Variants in PARD3B observed in about 807,000 individuals in gnomAD.
PARD3B encodes the protein par-3 family cell polarity regulator beta, also known as partitioning defective 3 homolog B.
In PARD3B, 103 loss-of-function variants were observed where a neutral mutation model predicts 130.2. That is an observed-to-expected ratio of 0.79 (90% CI 0.67 to 0.93). PARD3B has a LOEUF of 0.93. Among genes scored for constraint, PARD3B ranks in the 40% least tolerant of loss-of-function variants. The pLI, the probability that PARD3B is intolerant of heterozygous loss-of-function variation, is 0.00. For missense variants in PARD3B, 1,609 were observed against 1,499.2 expected, an observed-to-expected ratio of 1.07 and a Z score of -1.21; for synonymous variants, 583 against 553.2, an observed-to-expected ratio of 1.05 and a Z score of -0.76.
chr2:205,527,355 C>T (rs541825643), intron 21 of PARD3B, among the ~76,000 whole-genome samples: 1 of 152,102 alleles, frequency 6.6e-6, no homozygotes, highest in South Asian at 2.1e-4. Flanking sequence ...TTTTTTACTG[C>T]AGTAAGGATT....
rs151006353 is a variant in PARD3B, at chr2:204,764,567, G to C, written c.222+78285G>C. On this transcript the variant is annotated intron_variant, in intron 2 of 22. Transcript: ENST00000406610. The stretch of plus-strand genomic sequence containing the variant: ...CTCAGAATGATTTCTTCACAGTTTT[G>C]ATAGAAGTTTTACTAAGATTGAAAG... Among the ~76,000 whole-genome samples, 517 of 152,148 alleles carry C rather than the reference G, an allele frequency of 3.4e-3. 2 individuals are homozygous for C. Among genetic ancestry groups the C allele is most frequent in the Non-Finnish European group, 4.9e-3 (332 of 67,998 alleles).
At chr2:205,346,978 G>C (rs562304449) in intron 18 of PARD3B, among the ~76,000 whole-genome samples, 2 of 149,838 alleles carry the variant, frequency 1.3e-5, no homozygotes, top group East Asian at 1.9e-4. Context: ...AACACAGTGA[G>C]TACATTTCCA....
intron 10 of PARD3B, among the ~76,000 whole-genome samples, chr2:205,141,293 AT>A (rs1220569859): frequency 2.0e-5 from 3 of 152,240 alleles, no homozygotes; most frequent in Non-Finnish European, 4.4e-5. Flanking sequence ...AAATAAAAAA[AT>A]AAAAGCACCA....
At chr2:204,766,353 G>A (rs1023186054) in intron 2 of PARD3B, among the ~76,000 whole-genome samples, 21 of 152,060 alleles carry the variant, frequency 1.4e-4, no homozygotes, top group African/African-American at 4.8e-4. Context: ...ACTACCCATT[G>A]TAGAAAATTC....
At position 204,589,238 on chromosome 2, in the gene PARD3B, G is replaced by A. The variant is rs113794448; in HGVS notation, c.120+43119G>A. ...CATATAAAACAACTACTAGAAAATG[G>A]TCATGGGAAGGGAGGGGACAGTGTT... On this transcript the variant is annotated intron_variant, in intron 1 of 22. Transcript: ENST00000406610. Among the ~76,000 whole-genome samples the A allele has an allele frequency of 8.9e-3, 1,359 of 152,256 alleles. 18 individuals are homozygous for A. The highest frequency in any genetic ancestry group is 0.032 in the African/African-American group (1,319 of 41,558).
chr2:205,344,882 C>T (rs1164745539), intron 18 of PARD3B, among the ~76,000 whole-genome samples: 13 of 152,162 alleles, frequency 8.5e-5, no homozygotes, highest in African/African-American at 2.9e-4. Context: ...TAAAAGCTCA[C>T]GTCTGAAAGT....
intron 2 of PARD3B, among the ~76,000 whole-genome samples, chr2:204,948,578 C>T (rs927402927): frequency 9.2e-5 from 14 of 152,088 alleles, no homozygotes; most frequent in Admixed American, 3.3e-4. Context: ...ACACAGAGAC[C>T]GAACATGAGC....
chr2:205,238,284 A>G (rs1279626062), intron 15 of PARD3B, among the ~76,000 whole-genome samples: 1 of 152,160 alleles, frequency 6.6e-6, no homozygotes, highest in Non-Finnish European at 1.5e-5. Flanking sequence ...TTTTGTACCT[A>G]AGTACAAAGT....
intron 2 of PARD3B, among the ~76,000 whole-genome samples, chr2:204,759,265 T>A (rs1208409032): frequency 6.6e-6 from 1 of 152,160 alleles, no homozygotes; most frequent in African/African-American, 2.4e-5. Context: ...TTTGTAGTGT[T>A]AATTTATTTC....
chr2:204,612,660 T>A (rs1019113652), intron 1 of PARD3B, among the ~76,000 whole-genome samples: 1 of 152,202 alleles, frequency 6.6e-6, no homozygotes, highest in African/African-American at 2.4e-5. Context: ...TTAAATATTT[T>A]AAATTTATTT....
At position 204,990,204 on chromosome 2, in the gene PARD3B, T is replaced by C. The variant is rs535505046; in HGVS notation, c.394+24881T>C. Among the ~76,000 whole-genome samples the C allele has an allele frequency of 3.9e-5, 6 of 152,220 alleles. No homozygotes were observed. In the South Asian group the frequency reaches 1.2e-3, roughly 32 times the overall value. On this transcript the variant is annotated intron_variant, in intron 3 of 22. Coordinates refer to ENST00000406610, the MANE Select transcript of PARD3B (RefSeq NM_001302769.2). The stretch of plus-strand genomic sequence containing the variant: ...CAGATTTACTCTTCTGTGATGTTCC[T>C]GGTAAGATTTTTGACAATTTTTTTA...
At position 205,460,950 on chromosome 2, in the gene PARD3B, CTCCAG is replaced by C. The variant is rs1219695246; in HGVS notation, c.3044+20284_3044+20288del. ...ATGATGTATTCTGTACCAGCTTAGCCTCCAGTCCAGGGCTTAGGAAACAAGGTTCT... is the reference window on the plus strand; with the variant it reads ...ATGATGTATTCTGTACCAGCTTAGCCTCCAGGGCTTAGGAAACAAGGTTCT... On this transcript the variant is annotated intron_variant, in intron 20 of 22. Transcript: ENST00000406610. The surrounding 1 kb of genome is among the most constrained non-coding windows in gnomAD (Gnocchi z 4.9). Among the ~76,000 whole-genome samples, 1 of 152,146 alleles carries C rather than the reference CTCCAG, an allele frequency of 6.6e-6. No homozygotes were observed. Among genetic ancestry groups the C allele is most frequent in the Non-Finnish European group, 1.5e-5 (1 of 68,028 alleles).
At chr2:205,367,173 C>T (rs566399052) in intron 18 of PARD3B, among the ~76,000 whole-genome samples, 12 of 152,198 alleles carry the variant, frequency 7.9e-5, no homozygotes, top group Admixed American at 2.0e-4. Context: ...GCAGTGAGGA[C>T]GATTAAATGA....
chr2:205,266,782 G>C (rs1012691962), intron 16 of PARD3B, among the ~76,000 whole-genome samples: 3 of 152,218 alleles, frequency 2.0e-5, no homozygotes, highest in Middle Eastern at 3.4e-3. Context: ...GATTCAACCA[G>C]GAAAGAAGAG....
chr2:204,938,089 T>G (rs1688605987), intron 2 of PARD3B, among the ~76,000 whole-genome samples: 1 of 152,332 alleles, frequency 6.6e-6, no homozygotes, highest in East Asian at 1.9e-4. Flanking sequence ...AAACCATGCC[T>G]ACTACTTCTT....
chr2:205,150,257 A>ATGTG (rs2033665390), intron 10 of PARD3B, among the ~76,000 whole-genome samples: 2 of 75,280 alleles, frequency 2.7e-5, no homozygotes, highest in African/African-American at 4.8e-5. Flanking sequence ...GTGTGTGCAC[A>ATGTG]CACGCTTGAA....
chr2:204,746,888 G>C (rs1196359351), intron 2 of PARD3B, among the ~76,000 whole-genome samples: 1 of 152,154 alleles, frequency 6.6e-6, no homozygotes, highest in East Asian at 1.9e-4. Context: ...CCCTTTGTCA[G>C]ATGAGTAGAT....
At chr2:205,370,578 T>C (rs1427660122) in intron 18 of PARD3B, among the ~76,000 whole-genome samples, 1 of 152,162 alleles carries the variant, frequency 6.6e-6, no homozygotes, top group Non-Finnish European at 1.5e-5. Context: ...ATAACTGACC[T>C]TATGGATCTA....
intron 2 of PARD3B, among the ~76,000 whole-genome samples, chr2:204,809,679 C>T (rs963707457): frequency 2.0e-5 from 3 of 152,082 alleles, no homozygotes; most frequent in Non-Finnish European, 4.4e-5. Flanking sequence ...TAATGTGATG[C>T]CTCCAGCTTT....
Sources: allele counts gnomAD v4.1 joint callset (sites outside exome capture counted in the v4.1 genomes callset), GRCh38; gene constraint gnomAD v4.1.1; non-coding constraint Gnocchi (gnomAD v3.1); transcripts MANE v1.5; gene names NCBI Gene and HGNC (gene_info 2026-07-23, HGNC 2026-07-21).